The following CORO2B variants were observed in gnomAD, a reference collection of about 807,000 sequenced individuals.
The protein encoded by CORO2B is coronin 2B, also known as coronin-2B.
A neutral mutation model predicts 58.8 loss-of-function variants in CORO2B; 26 were observed. That is an observed-to-expected ratio of 0.44 (90% CI 0.32 to 0.61). The LOEUF (loss-of-function observed/expected upper bound fraction) is 0.61, where lower values mean the gene tolerates loss of function less well. Among genes scored for constraint, CORO2B ranks in the 20% least tolerant of loss-of-function variants. The probability of loss-of-function intolerance (pLI) is 0.04; values close to 1 mark genes in which losing one functional copy is unlikely to be tolerated. For missense variants in CORO2B, 460 were observed against 645.1 expected, an observed-to-expected ratio of 0.71 and a Z score of 3.11; for synonymous variants, 242 against 253.8, an observed-to-expected ratio of 0.95 and a Z score of 0.44.
chr15:68,690,627 A>G (rs1892333472), intron 2 of CORO2B, among the ~76,000 whole-genome samples: 1 of 150,296 alleles, frequency 6.7e-6, no homozygotes. Flanking sequence ...GCATTAAGCA[A>G]TGTGATCACG....
chr15:68,540,020 C>T, the CORO2B span, among the ~76,000 whole-genome samples: 2 of 152,198 alleles, frequency 1.3e-5, no homozygotes, highest in African/African-American at 4.8e-5. Flanking sequence ...TGTAGATATT[C>T]TCCCTTAACC....
At chr15:68,615,273 A>G (rs1274256302) in intron 1 of CORO2B, among the ~76,000 whole-genome samples, 1 of 152,142 alleles carries the variant, frequency 6.6e-6, no homozygotes, top group Non-Finnish European at 1.5e-5. Context: ...ATGAGACAGG[A>G]CTAATGTCAT....
chr15:68,686,447 A>T (rs1281885175), intron 2 of CORO2B, among the ~76,000 whole-genome samples: 1 of 152,206 alleles, frequency 6.6e-6, no homozygotes, highest in Middle Eastern at 3.2e-3. Context: ...AGCCAAGTGC[A>T]GATGATAGCT....
intron 2 of CORO2B, among the ~76,000 whole-genome samples, chr15:68,686,828 G>A (rs1032075798): frequency 4.6e-5 from 7 of 151,832 alleles, no homozygotes; most frequent in African/African-American, 7.3e-5. Context: ...GAACCCAGGC[G>A]GCGGAGGTCA....
At chr15:68,685,337 A>G (rs1258247729) in intron 2 of CORO2B, among the ~76,000 whole-genome samples, 1 of 152,066 alleles carries the variant, frequency 6.6e-6, no homozygotes, top group Non-Finnish European at 1.5e-5. Context: ...CAGCCTCCCA[A>G]GTAGCTGGGA....
chr15:68,618,649 C>T (rs796520858), intron 1 of CORO2B, among the ~76,000 whole-genome samples: 7 of 152,246 alleles, frequency 4.6e-5, no homozygotes, highest in African/African-American at 1.7e-4. Context: ...TATTTGCTGC[C>T]GAGGCGAGCA....
At chr15:68,524,726 G>A in the CORO2B span, among the ~76,000 whole-genome samples, 2 of 152,200 alleles carry the variant, frequency 1.3e-5, no homozygotes, top group Non-Finnish European at 2.9e-5. Flanking sequence ...TCAAAGTCTA[G>A]TCACCATTTA....
chr15:68,550,398 CTG>C, the CORO2B span, among the ~76,000 whole-genome samples: 3 of 152,178 alleles, frequency 2.0e-5, no homozygotes, highest in Non-Finnish European at 2.9e-5. Context: ...TTAGTGATCT[CTG>C]GAGCTAAGGA....
intron 1 of CORO2B, among the ~76,000 whole-genome samples, chr15:68,630,101 A>T (rs1271453610): frequency 6.6e-6 from 1 of 152,170 alleles, no homozygotes; most frequent in Non-Finnish European, 1.5e-5. Flanking sequence ...TTCTGCATCC[A>T]TTACCTCGTT....
At chr15:68,653,151 G>A (rs1315997712) in intron 2 of CORO2B, among the ~76,000 whole-genome samples, 1 of 152,272 alleles carries the variant, frequency 6.6e-6, no homozygotes, top group South Asian at 2.1e-4. Flanking sequence ...TCCTGGAGCA[G>A]CGGTCCAGAC....
intron 1 of CORO2B, among the ~76,000 whole-genome samples, chr15:68,619,239 T>C (rs1357810902): frequency 6.6e-6 from 1 of 152,226 alleles, no homozygotes; most frequent in East Asian, 1.9e-4. Flanking sequence ...TATTAGCCTT[T>C]TATATATTCA....
chr15:68,619,723 G>A (rs1900463883), intron 1 of CORO2B, among the ~76,000 whole-genome samples: 1 of 151,804 alleles, frequency 6.6e-6, no homozygotes, highest in African/African-American at 2.4e-5. Flanking sequence ...ATACATATAT[G>A]TACATGTACA....
the CORO2B span, among the ~76,000 whole-genome samples, chr15:68,534,916 CTTTATAAAAGCAT>C: frequency 1.3e-3 from 205 of 152,240 alleles, no homozygotes; most frequent in African/African-American, 4.8e-3. Context: ...AGGGGTTTCC[CTTTATAAAAGCAT>C]TAGATCTTGT....
At chr15:68,675,456 C>T (rs1902549894) in intron 2 of CORO2B, among the ~76,000 whole-genome samples, 1 of 152,108 alleles carries the variant, frequency 6.6e-6, no homozygotes, top group Non-Finnish European at 1.5e-5. Context: ...GAGGGGTATC[C>T]TGTGTCTGGA....
intron 2 of CORO2B, among the ~76,000 whole-genome samples, chr15:68,665,236 C>T (rs900647182): frequency 1.3e-5 from 2 of 151,992 alleles, no homozygotes; most frequent in African/African-American, 4.8e-5. Context: ...ATGAGTAATC[C>T]TTTCTTTCCC....
intron 2 of CORO2B, among the ~76,000 whole-genome samples, chr15:68,677,099 G>C (rs1254487254): frequency 6.6e-6 from 1 of 152,078 alleles, no homozygotes; most frequent in East Asian, 1.9e-4. Context: ...CAGCACTTTC[G>C]GGACTGTGCT....
At chr15:68,709,030 A>G (rs985989803) in intron 3 of CORO2B, among the ~76,000 whole-genome samples, 1 of 152,234 alleles carries the variant, frequency 6.6e-6, no homozygotes, top group Non-Finnish European at 1.5e-5. Context: ...CTTTGGAATT[A>G]TAATCAATTG....
the CORO2B span, among the ~76,000 whole-genome samples, chr15:68,551,863 A>G: frequency 6.0e-5 from 9 of 149,346 alleles, no homozygotes; most frequent in African/African-American, 2.2e-4. Flanking sequence ...TCTAAAGTCT[A>G]TTTGGGGTTC....
chr15:68,681,712 A>T (rs903282054), intron 2 of CORO2B, among the ~76,000 whole-genome samples: 5 of 151,858 alleles, frequency 3.3e-5, no homozygotes, highest in African/African-American at 1.2e-4. Context: ...ATCTGATAAG[A>T]CAGAGAAAGG....
Sources: gnomAD v4.1 joint callset for allele counts (sites outside exome capture counted in the v4.1 genomes callset) on GRCh38, gnomAD v4.1.1 for gene constraint, MANE v1.5 for transcripts, NCBI Gene and HGNC (gene_info 2026-07-23, HGNC 2026-07-21) for gene names.